The following GDAP1 variants were observed in gnomAD, a reference collection of about 807,000 sequenced individuals.
GDAP1 encodes ganglioside-induced differentiation-associated protein 1.
GDAP1 carries 34 observed loss-of-function variants against 40.1 expected under a neutral mutation model. The observed-to-expected ratio is 0.85, with a 90% CI of 0.64 to 1.13. The LOEUF (loss-of-function observed/expected upper bound fraction) is 1.13. Ranked by LOEUF, GDAP1 falls within the 50% of genes most tolerant of loss-of-function variation. The pLI is 0.00. For synonymous variants in GDAP1, 170 were observed against 157.4 expected, an observed-to-expected ratio of 1.08 and a Z score of -0.60; for missense variants, 374 against 433.7, an observed-to-expected ratio of 0.86 and a Z score of 1.22.
chr8:74,357,262 T>G (rs1809145655), intron 2 of GDAP1, among the ~76,000 whole-genome samples: 1 of 152,202 alleles, frequency 6.6e-6, no homozygotes, highest in South Asian at 2.1e-4. Flanking sequence ...TAATGCCTCC[T>G]TTATCTGCCT....
chr8:74,472,176 A>T (rs1048585249), intron 2 of GDAP1, among the ~76,000 whole-genome samples: 4 of 152,148 alleles, frequency 2.6e-5, no homozygotes, highest in African/African-American at 9.7e-5. Flanking sequence ...ACTTATAAGT[A>T]AGACTATGTT....
chr8:74,362,784 C>CTCTTTTTTT (rs1300148699), intron 4 of GDAP1, among the ~76,000 whole-genome samples, 155 bp from the exon 5 acceptor site: 26 of 60,450 alleles, frequency 4.3e-4, no homozygotes, highest in East Asian at 1.3e-3. Context: ...CTCTCTCTCT[C>CTCTTTTTTT]TTTTTTTTTT....
intron 3 of GDAP1, among the ~76,000 whole-genome samples, chr8:74,361,317 A>G (rs1056077160): frequency 6.6e-6 from 1 of 152,220 alleles, no homozygotes; most frequent in Non-Finnish European, 1.5e-5. Flanking sequence ...TGCACTGAGC[A>G]CTGTAAAGTG....
intron 2 of GDAP1, among the ~76,000 whole-genome samples, chr8:74,435,423 A>G (rs1172788046): frequency 6.6e-6 from 1 of 152,194 alleles, no homozygotes; most frequent in Non-Finnish European, 1.5e-5. Context: ...CAGAATAATG[A>G]AGCAGTTGAA....
rs1166135759 is a variant in GDAP1 at position 74,473,062 on chromosome 8, C to A, written c.166-15616C>A. ...ACTGTGCCCAGCCGAGCTTTTTTTC[C>A]TATGCTTGTTGGCTGCATGTATTTT... is the stretch of plus-strand genomic sequence containing the variant. On this transcript the variant is annotated intron_variant, in intron 2 of 2. Coordinates refer to the GDAP1 transcript ENST00000523640. Among the ~76,000 whole-genome samples, 2 of 145,530 alleles carry A rather than the reference C, an allele frequency of 1.4e-5. 1 individual carries two copies. The highest frequency in any genetic ancestry group is 6.4e-3 in the Middle Eastern group (2 of 312).
chr8:74,450,087 G>GTT lies in GDAP1; in HGVS notation c.166-38591_166-38590insTT, dbSNP rs141113894. On this transcript the variant is annotated intron_variant, in intron 2 of 2. Coordinates refer to the GDAP1 transcript ENST00000523640. Reference sequence around the variant, plus strand: ...TTATTCAGTTTGAAATATTTCCTTTGGTTTTTTTTTCATGGTTTATTTATA... The same window carrying GTT: ...TTATTCAGTTTGAAATATTTCCTTTGTTGTTTTTTTTTCATGGTTTATTTATA... 6.0e-3 allele frequency among the ~76,000 whole-genome samples: 891 copies of GTT among 148,784 alleles called. 13 individuals carry two copies. The highest frequency in any genetic ancestry group is 0.021 in the African/African-American group (841 of 40,774).
chr8:74,426,131 A>G (rs1386456125), intron 2 of GDAP1, among the ~76,000 whole-genome samples: 4 of 152,252 alleles, frequency 2.6e-5, no homozygotes, highest in Middle Eastern at 3.2e-3. Flanking sequence ...CTGACTATAC[A>G]TATTTTTTAA....
At position 74,388,064 on chromosome 8, in the gene GDAP1, T is replaced by A. The variant is rs562458678; in HGVS notation, c.165+36743T>A. Among the ~76,000 whole-genome samples, 377 of 152,296 alleles carry A rather than the reference T, an allele frequency of 2.5e-3. 5 individuals carry two copies. Among genetic ancestry groups the A allele is most frequent in the Non-Finnish European group, 4.0e-3 (273 of 68,020 alleles). ...ATTGTGTGTATTTGATTCTTCTCTC[T>A]TTTCTTGTTTATTAGTCTGGCTAGC... On this transcript the variant is annotated intron_variant, in intron 2 of 2. Coordinates refer to the GDAP1 transcript ENST00000523640.
intron 2 of GDAP1, among the ~76,000 whole-genome samples, chr8:74,474,031 A>T (rs541627541): frequency 6.6e-6 from 1 of 152,274 alleles, no homozygotes; most frequent in South Asian, 2.1e-4. Flanking sequence ...GGTTAGCTGT[A>T]TTCCTAGATA....
chr8:74,358,640 G>A (rs1277704207), intron 2 of GDAP1, among the ~76,000 whole-genome samples: 1 of 152,180 alleles, frequency 6.6e-6, no homozygotes, highest in Non-Finnish European at 1.5e-5. Context: ...ACACTTGAGA[G>A]AGAATAAGAG....
chr8:74,383,383 C>T (rs1238564047), intron 2 of GDAP1, among the ~76,000 whole-genome samples: 1 of 152,160 alleles, frequency 6.6e-6, no homozygotes, highest in African/African-American at 2.4e-5. Context: ...CAAATGCATT[C>T]CACTGAAATT....
intron 2 of GDAP1, among the ~76,000 whole-genome samples, chr8:74,375,929 A>G (rs1342670456): frequency 6.6e-6 from 1 of 152,234 alleles, no homozygotes; most frequent in Non-Finnish European, 1.5e-5. Flanking sequence ...AGTTCTCAGA[A>G]TGCAAGATCA....
chr8:74,488,662 T>G (rs1033062988), intron 2 of GDAP1: 3 of 152,202 alleles, frequency 2.0e-5, no homozygotes, highest in African/African-American at 7.2e-5. Flanking sequence ...TTAATGTATT[T>G]GCTTTCTATT....
chr8:74,485,251 G>GT (rs1312906441), intron 2 of GDAP1, among the ~76,000 whole-genome samples: 1 of 152,070 alleles, frequency 6.6e-6, no homozygotes, highest in Non-Finnish European at 1.5e-5. Context: ...AGATTTATAG[G>GT]TAAAATTCTG....
intron 2 of GDAP1, among the ~76,000 whole-genome samples, chr8:74,438,133 G>A (rs1806116251): frequency 6.6e-6 from 1 of 152,136 alleles, no homozygotes; most frequent in Non-Finnish European, 1.5e-5. Flanking sequence ...AGTTGGGCAT[G>A]GTGGCGCGCG....
chr8:74,438,444 T>A (rs1367822262), intron 2 of GDAP1, among the ~76,000 whole-genome samples: 1 of 152,176 alleles, frequency 6.6e-6, no homozygotes, highest in South Asian at 2.1e-4. Context: ...GCCAATCTAA[T>A]CTAACGTGTG....
rs200576675 is a variant in GDAP1 at position 74,350,603 on chromosome 8, G to C, written c.117+25G>C. The C allele has an allele frequency of 2.8e-6, 4 of 1,412,942 alleles. No homozygotes were observed. The African/African-American group carries it at 4.2e-5, about 15-fold the overall frequency. The allele number at this position is 1,412,942 out of a possible 1,614,324, so 87.5% of individuals were successfully genotyped here. ...GGTACAACAGGCCTTGGCGGCGGAG[G>C]GTGGCGCGGATCGGGCTTCAGCACT... On this transcript the variant is annotated intron_variant, in intron 1 of 5. Transcript: ENST00000220822.
intron 2 of GDAP1, among the ~76,000 whole-genome samples, chr8:74,407,122 A>G (rs1423087158): frequency 6.7e-6 from 1 of 150,106 alleles, no homozygotes; most frequent in Non-Finnish European, 1.5e-5. Context: ...AGAAAACTAC[A>G]TGTATTCCAT....
In GDAP1 at chr8:74,399,286, A is replaced by T. The variant is rs1287851127; in HGVS notation, c.165+47965A>T. On this transcript the variant is annotated intron_variant, in intron 2 of 2. Coordinates refer to the GDAP1 transcript ENST00000523640. ...TCCTGGTTTAGTCTTGGGAGGGCGT[A>T]TGTGTCAAGGGATTTATCCATTTCT... 1.3e-5 allele frequency among the ~76,000 whole-genome samples: 2 copies of T among 149,884 alleles called. 1 individual carries two copies. Among genetic ancestry groups the T allele is most frequent in the African/African-American group, 5.1e-5 (2 of 39,206 alleles).
Sources: gnomAD v4.1 joint callset for allele counts (sites outside exome capture counted in the v4.1 genomes callset) on GRCh38, gnomAD v4.1.1 for gene constraint, MANE v1.5 for transcripts, NCBI Gene and HGNC (gene_info 2026-07-23, HGNC 2026-07-21) for gene names.